The following KCNQ3 variants were observed in gnomAD, a reference collection of about 807,000 sequenced individuals.
KCNQ3 encodes potassium voltage-gated channel subfamily Q member 3.
KCNQ3 carries 30 observed loss-of-function variants against 92.5 expected under a neutral mutation model. The ratio of observed to expected loss-of-function variants is 0.32; its 90% CI spans 0.24 to 0.44. The LOEUF (loss-of-function observed/expected upper bound fraction) is 0.44, where lower values mean the gene tolerates loss of function less well. Among genes scored for constraint, KCNQ3 ranks in the 20% least tolerant of loss-of-function variants. KCNQ3 has a pLI of 1.00. For missense variants in KCNQ3, 913 were observed against 1,140.3 expected, an observed-to-expected ratio of 0.80 and a Z score of 2.87; for synonymous variants, 450 against 468.8, an observed-to-expected ratio of 0.96 and a Z score of 0.52.
intron 1 of KCNQ3, among the ~76,000 whole-genome samples, chr8:132,261,301 C>A (rs765490967): frequency 1.3e-5 from 2 of 152,170 alleles, no homozygotes; most frequent in Non-Finnish European, 2.9e-5. Context: ...GGTGCAGCTG[C>A]CTTCATATGT....
intron 7 of KCNQ3, among the ~76,000 whole-genome samples, chr8:132,171,285 G>A (rs533547024): frequency 4.9e-4 from 75 of 152,068 alleles, no homozygotes; most frequent in Non-Finnish European, 8.7e-4. Context: ...TATGCGGGAT[G>A]ACATCATGCA....
At chr8:132,479,993 C>CACACACACACACACACACA (rs1554660743) in intron 1 of KCNQ3, among the ~76,000 whole-genome samples, 154 bp downstream of exon 1, 1 of 148,536 alleles carries the variant, frequency 6.7e-6, no homozygotes, top group South Asian at 2.1e-4. Context: ...CACACACACA[C>CACACACACACACACACACA]CCAGGGAAAC....
chr8:132,141,166 G>C lies in KCNQ3; in HGVS notation c.1428C>G (p.Phe476Leu). ...LNNKERFRTAFRMKAYAFWQS... is the reference protein window; with the variant it reads ...LNNKERFRTALRMKAYAFWQS... ...GCCAGAAAGCGTAGGCTTTCATGCG[G>C]AAGGCCGTGCGGAAACGCTCTTTAT... Residue 476 changes from phenylalanine to leucine, a missense_variant, in exon 10 of 15, where the codon TTC becomes TTG. By Grantham distance (22) the Phe-to-Leu change is conservative. Coordinates refer to ENST00000388996, the MANE Select transcript of KCNQ3 (RefSeq NM_004519.4). 1 of 1,614,200 alleles carries C rather than the reference G, an allele frequency of 6.2e-7. No homozygotes were observed. Among genetic ancestry groups the C allele is most frequent in the Non-Finnish European group, 8.5e-7 (1 of 1,180,032 alleles).
At chr8:132,257,096 A>G (rs1423786868) in intron 1 of KCNQ3, among the ~76,000 whole-genome samples, 1 of 152,210 alleles carries the variant, frequency 6.6e-6, no homozygotes, top group African/African-American at 2.4e-5. Flanking sequence ...TGATAATGGT[A>G]GCACAAAGAA....
chr8:132,251,956 T>C (rs1187351043), intron 1 of KCNQ3, among the ~76,000 whole-genome samples: 1 of 152,230 alleles, frequency 6.6e-6, no homozygotes, highest in Non-Finnish European at 1.5e-5. Context: ...AGTCCATTAG[T>C]CCTTTCTCAT....
chr8:132,140,420 G>C (rs1209987981), intron 10 of KCNQ3: 2 of 491,528 alleles, frequency 4.1e-6, no homozygotes, highest in Non-Finnish European at 7.3e-6. Flanking sequence ...GGTAGTGAGG[G>C]AAAAGGCTAG....
intron 1 of KCNQ3, among the ~76,000 whole-genome samples, chr8:132,453,521 A>G (rs1821869351): frequency 1.3e-5 from 2 of 152,056 alleles, no homozygotes; most frequent in Admixed American, 6.5e-5. Flanking sequence ...GGGGCCTAAA[A>G]CCGAGGGGCC....
At chr8:132,187,078 G>A (rs1344626417) in intron 1 of KCNQ3, 1 of 436,600 alleles carries the variant, frequency 2.3e-6, no homozygotes, top group Non-Finnish European at 4.6e-6. Flanking sequence ...TCAGTACCAG[G>A]TTCCCTGGGT....
intron 1 of KCNQ3, among the ~76,000 whole-genome samples, chr8:132,357,353 G>A (rs902741726): frequency 6.6e-6 from 1 of 152,192 alleles, no homozygotes; most frequent in Non-Finnish European, 1.5e-5. Context: ...GGTGTGCTGT[G>A]GAGAACAGGG....
At chr8:132,463,927 G>A (rs1009704372) in intron 1 of KCNQ3, among the ~76,000 whole-genome samples, 2 of 152,174 alleles carry the variant, frequency 1.3e-5, no homozygotes, top group African/African-American at 4.8e-5. Context: ...ATTCATGCCT[G>A]TAATCCCAGC....
At chr8:132,404,857 G>T (rs138230434) in intron 1 of KCNQ3, among the ~76,000 whole-genome samples, 3 of 152,060 alleles carry the variant, frequency 2.0e-5, no homozygotes, top group African/African-American at 4.8e-5. Flanking sequence ...CTTAATCTTC[G>T]CAATAACCCC....
intron 2 of KCNQ3, among the ~76,000 whole-genome samples, chr8:132,185,363 G>A (rs780620185): frequency 9.2e-5 from 14 of 152,250 alleles, no homozygotes; most frequent in Non-Finnish European, 2.1e-4. Flanking sequence ...TCCTAATCAC[G>A]GCAAGGGTGT....
chr8:132,266,491 T>C (rs1815985961), intron 1 of KCNQ3, among the ~76,000 whole-genome samples: 1 of 152,294 alleles, frequency 6.6e-6, no homozygotes, highest in East Asian at 1.9e-4. Context: ...CTGTTTTTTA[T>C]ACTTTTTGGA....
At chr8:132,284,985 G>C (rs1816636361) in intron 1 of KCNQ3, among the ~76,000 whole-genome samples, 1 of 152,170 alleles carries the variant, frequency 6.6e-6, no homozygotes, top group East Asian at 1.9e-4. Flanking sequence ...AAATGCAGCT[G>C]CCTCATCTTA....
At chr8:132,438,082 G>A (rs1054127428) in intron 1 of KCNQ3, among the ~76,000 whole-genome samples, 1 of 152,198 alleles carries the variant, frequency 6.6e-6, no homozygotes, top group East Asian at 1.9e-4. Context: ...AACTGAGATG[G>A]TGCCACATAA....
intron 1 of KCNQ3, among the ~76,000 whole-genome samples, chr8:132,315,172 G>T (rs1413023077): frequency 6.6e-6 from 1 of 152,140 alleles, no homozygotes; most frequent in Non-Finnish European, 1.5e-5. Flanking sequence ...ATATTTAGGA[G>T]GCTGATATAA....
rs541215515 is a variant in KCNQ3 at position 132,129,343 on chromosome 8, C to T, written c.2538G>A (p.Thr846=). 60 of 1,614,156 alleles carry T rather than the reference C, an allele frequency of 3.7e-5. No homozygotes were observed. Among genetic ancestry groups the T allele is most frequent in the East Asian group, 3.3e-4 (15 of 44,872 alleles). ...GETDTDTDPF[T]PSGSMPLSST... ...ACGACAGAGGCATGGAGCCGCTGGG[C>T]GTGAAGGGGTCCGTGTCTGTGTCCG... Residue 846 remains threonine (T), a synonymous_variant, in exon 15 of 15, where the codon ACG becomes ACA. Transcript: ENST00000388996. This position sits in a 1 kb window ranked among gnomAD's most constrained non-coding sequence, Gnocchi z 5.9.
At chr8:132,374,873 C>T (rs1819569031) in intron 1 of KCNQ3, among the ~76,000 whole-genome samples, 1 of 152,182 alleles carries the variant, frequency 6.6e-6, no homozygotes, top group Admixed American at 6.5e-5. Context: ...TTTTTTATGG[C>T]TGCATAGTAT....
intron 14 of KCNQ3, 116 bp downstream of exon 14, chr8:132,132,064 G>A: frequency 1.3e-6 from 1 of 750,938 alleles, no homozygotes; most frequent in South Asian, 1.5e-5. Context: ...CTCCAGCCTG[G>A]GCAACAGAGT....
Sources: allele counts gnomAD v4.1 joint callset (sites outside exome capture counted in the v4.1 genomes callset), GRCh38; gene constraint gnomAD v4.1.1; non-coding constraint Gnocchi (gnomAD v3.1); transcripts MANE v1.5; gene names NCBI Gene and HGNC (gene_info 2026-07-23, HGNC 2026-07-21).